Variants in RWDD1 observed in about 807,000 individuals in gnomAD.
The protein encoded by RWDD1 is RWD domain-containing protein 1.
A neutral mutation model predicts 31.6 loss-of-function variants in RWDD1; 17 were observed. The ratio of observed to expected loss-of-function variants is 0.54; its 90% confidence interval spans 0.37 to 0.81. The LOEUF (loss-of-function observed/expected upper bound fraction) is 0.81, where lower values mean the gene tolerates loss of function less well. RWDD1 is among the 30% of genes least tolerant of loss of function. The pLI is 0.00. For synonymous variants in RWDD1, 78 were observed against 94.2 expected, an observed-to-expected ratio of 0.83 and a Z score of 0.99; for missense variants, 204 against 274.5, an observed-to-expected ratio of 0.74 and a Z score of 1.82.
chr6:116,582,450 T>C (rs2115329179), intron 2 of RWDD1, among the ~76,000 whole-genome samples: 1 of 152,196 alleles, frequency 6.6e-6, no homozygotes, highest in East Asian at 1.9e-4. Context: ...TGATAAACTT[T>C]ATTTTTTTAA....
In RWDD1 at chr6:116,574,922, C is replaced by T. The variant is rs189564024; in HGVS notation, c.73+3267C>T. 1.8e-3 allele frequency among the ~76,000 whole-genome samples: 276 copies of T among 152,114 alleles called. 2 individuals are homozygous for T. Among genetic ancestry groups the T allele is most frequent in the African/African-American group, 6.2e-3 (256 of 41,476 alleles). On this transcript the variant is annotated intron_variant, in intron 1 of 6. Transcript: ENST00000466444. ...TAGCTGGGATTACAGGCTCGCAGTA[C>T]CATGCCTGGCTAATTTTTTCATTTT...
intron 2 of RWDD1, among the ~76,000 whole-genome samples, chr6:116,582,556 C>T (rs184727290): frequency 6.6e-6 from 1 of 152,058 alleles, no homozygotes; most frequent in Non-Finnish European, 1.5e-5. Context: ...AGTAATAATG[C>T]ACTACAATAG....
chr6:116,583,060 C>T (rs1321867472), intron 2 of RWDD1, among the ~76,000 whole-genome samples: 1 of 151,748 alleles, frequency 6.6e-6, no homozygotes, highest in African/African-American at 2.4e-5. Context: ...TCACTGCAGC[C>T]TCCAACTCCT....
chr6:116,590,413 C>T lies in RWDD1; in HGVS notation c.547+9C>T. The T allele has an allele frequency of 6.3e-7, 1 of 1,580,204 alleles. No homozygotes were observed. Among genetic ancestry groups the T allele is most frequent in the East Asian group, 2.3e-5 (1 of 44,196 alleles). ...AAAAAATAAATTAAGTGGTATGATTCCCCTGCCATTCCTGTTCTTCCTAAA... is the reference window on the plus strand; with the variant it reads ...AAAAAATAAATTAAGTGGTATGATTTCCCTGCCATTCCTGTTCTTCCTAAA... On this transcript the variant is annotated intron_variant, in intron 5 of 6. Transcript: ENST00000466444.
At chr6:116,590,979 G>A (rs778759642) in intron 6 of RWDD1, 29 bp downstream of exon 6, 1 of 1,549,050 alleles carries the variant, frequency 6.5e-7, no homozygotes, top group Non-Finnish European at 8.6e-7. Flanking sequence ...TCCACATGTG[G>A]GACAGGCACA....
chr6:116,571,522 T>C lies in RWDD1; in HGVS notation c.-61T>C. 6.4e-7 allele frequency: 1 copy of C among 1,555,494 alleles called. No homozygotes were observed. Among genetic ancestry groups the C allele is most frequent in the Non-Finnish European group, 8.7e-7 (1 of 1,144,604 alleles). ...GCCCGCTCTCCCGGCGCGGCAGCTG[T>C]CTGGGCTGCTGCGCGCCGCCTAGGT... On this transcript the variant is annotated 5_prime_UTR_variant, in exon 1 of 7. Transcript: ENST00000466444.
intron 3 of RWDD1, among the ~76,000 whole-genome samples, chr6:116,585,804 AT>A (rs540933634): frequency 2.0e-5 from 3 of 151,334 alleles, no homozygotes; most frequent in African/African-American, 7.3e-5. Context: ...ATATATTTTT[AT>A]TTTTTTTGAG....
In RWDD1 at chr6:116,594,062, G is replaced by A. The variant is rs1775200369; in HGVS notation, c.*961G>A. On this transcript the variant is annotated 3_prime_UTR_variant, in exon 7 of 7. Coordinates refer to ENST00000466444, the MANE Select transcript of RWDD1 (RefSeq NM_015952.4). ...TTCCACTCATGGTAGAAGGGGAAGA[G>A]GCACTATGTGTGTAGAGATCACATG... 1 of 151,580 alleles carries A rather than the reference G, an allele frequency of 6.6e-6. No individual in the cohort carries two copies. The highest frequency in any genetic ancestry group is 1.5e-5 in the Non-Finnish European group (1 of 68,122). 9.4% of individuals were successfully genotyped at this position (151,580 alleles called of 1,614,324 possible).
chr6:116,571,528 C>A lies in RWDD1; in HGVS notation c.-55C>A. ...TCTCCCGGCGCGGCAGCTGTCTGGGCTGCTGCGCGCCGCCTAGGTGTCTGG... is the reference window on the plus strand; with the variant it reads ...TCTCCCGGCGCGGCAGCTGTCTGGGATGCTGCGCGCCGCCTAGGTGTCTGG... On this transcript the variant is annotated 5_prime_UTR_variant, in exon 1 of 7. In the 5' UTR this introduces an upstream ATG that the reference lacks. Coordinates refer to ENST00000466444, the MANE Select transcript of RWDD1 (RefSeq NM_015952.4). 6.4e-7 allele frequency: 1 copy of A among 1,572,880 alleles called. No individual in the cohort carries two copies. The highest frequency in any genetic ancestry group is 8.7e-7 in the Non-Finnish European group (1 of 1,155,810).
chr6:116,580,464 C>A, intron 2 of RWDD1, 104 bp downstream of exon 2: 1 of 703,688 alleles, frequency 1.4e-6, no homozygotes. Flanking sequence ...TGCTAAGGGG[C>A]TGTTACGAAT....
intron 1 of RWDD1, 38 bp downstream of exon 1, chr6:116,571,693 G>A (rs375715711): frequency 6.3e-6 from 10 of 1,591,662 alleles, no homozygotes; most frequent in Non-Finnish European, 8.6e-6. Flanking sequence ...CCGCCCCGAG[G>A]TGGAGTAGGA....
rs1243194584 is a variant in RWDD1 at position 116,591,069 on chromosome 6, T to C, written c.610+119T>C. On this transcript the variant is annotated intron_variant, in intron 6 of 6. Transcript: ENST00000466444. ...TGAGCCCAGGAGTTTGAGACCAGAC[T>C]GGGCAACATAGTGAGACCCTGACTC... 4 of 1,348,556 alleles carry C rather than the reference T, an allele frequency of 3.0e-6. No homozygotes were observed. In the African/African-American group the frequency reaches 6.1e-5, roughly 21 times the overall value. 83.5% of individuals were successfully genotyped at this position (1,348,556 alleles called of 1,614,324 possible). A position where few individuals can be genotyped will look rare whatever the true frequency, so the allele number is the denominator to read the frequency against.
At chr6:116,592,958 T>C (rs770036139) in intron 6 of RWDD1, 22 bp from the exon 7 acceptor site, 1 of 1,597,072 alleles carries the variant, frequency 6.3e-7, no homozygotes, top group Admixed American at 1.8e-5. Context: ...GATTTTTTTT[T>C]TTTTTTGGTT....
At chr6:116,588,584 A>G (rs1017500153) in intron 3 of RWDD1, among the ~76,000 whole-genome samples, 3 of 152,290 alleles carry the variant, frequency 2.0e-5, no homozygotes, top group East Asian at 1.9e-4. Context: ...ACTAGTTACT[A>G]TAGGAAACAG....
chr6:116,583,167 T>C (rs1774978114), intron 2 of RWDD1, among the ~76,000 whole-genome samples: 2 of 151,856 alleles, frequency 1.3e-5, no homozygotes, highest in Admixed American at 1.3e-4. Flanking sequence ...TTTGTAGAGA[T>C]GGGGTCTCAC....
chr6:116,572,078 T>G (rs573163023), intron 1 of RWDD1, among the ~76,000 whole-genome samples: 79 of 152,202 alleles, frequency 5.2e-4, no homozygotes, highest in South Asian at 5.2e-3. Context: ...TTTTAGTTTA[T>G]AGGATTCAGA....
chr6:116,589,283 A>T (rs1463442953), intron 4 of RWDD1, among the ~76,000 whole-genome samples: 2 of 151,882 alleles, frequency 1.3e-5, no homozygotes, highest in Non-Finnish European at 2.9e-5. Flanking sequence ...GGCTTCCCTG[A>T]GCCACATTGG....
chr6:116,575,463 C>T (rs1774822664), intron 1 of RWDD1, among the ~76,000 whole-genome samples: 1 of 152,150 alleles, frequency 6.6e-6, no homozygotes, highest in Non-Finnish European at 1.5e-5. Flanking sequence ...TCTACTTACC[C>T]TAACTCACAG....
At chr6:116,587,369 A>T (rs147019954) in intron 3 of RWDD1, among the ~76,000 whole-genome samples, 68 of 152,286 alleles carry the variant, frequency 4.5e-4, no homozygotes, top group African/African-American at 1.6e-3. Flanking sequence ...ATTTCAGGGT[A>T]GAGGAACCAA....
Sources: allele counts gnomAD v4.1 joint callset (sites outside exome capture counted in the v4.1 genomes callset), GRCh38; gene constraint gnomAD v4.1.1; transcripts MANE v1.5; gene names NCBI Gene and HGNC (gene_info 2026-07-23, HGNC 2026-07-21).